LCN9: variants seen among roughly 807,000 people sequenced by gnomAD.
LCN9 encodes epididymal-specific lipocalin-9.
LCN9 carries 22 observed loss-of-function variants against 18.5 expected under a neutral mutation model. The ratio of observed to expected loss-of-function variants is 1.19; its 90% CI spans 0.85 to 1.70. The LOEUF is 1.70. LCN9 is among the 40% of genes most tolerant of loss of function. The pLI is 0.00. For missense variants in LCN9, 202 were observed against 201.3 expected (o/e 1.00, Z -0.02); for synonymous variants, 89 against 83.0 (o/e 1.07, Z -0.39).
rs1387617998 is a variant in LCN9, at chr9:135,664,540, G to A, written c.234-182G>A. Among the ~76,000 whole-genome samples, 2 of 152,114 alleles carry A rather than the reference G, an allele frequency of 1.3e-5. No homozygotes were observed. The highest frequency in any genetic ancestry group is 6.6e-5 in the Admixed American group (1 of 15,266). ...TCGCCCCCTTCCAAGGCTGGGGTGA[G>A]GTTCGAGGAGATGAGGGTGTCCGGT... On this transcript the variant is annotated intron_variant, in intron 2 of 5. Transcript: ENST00000619315. The surrounding 1 kb of genome is among the most constrained non-coding windows in gnomAD (Gnocchi z 4.5).
chr9:135,664,259 A>G lies in LCN9; in HGVS notation c.194A>G (p.His65Arg). 1 of 1,613,848 alleles carries G rather than the reference A, an allele frequency of 6.2e-7. No homozygotes were observed. The highest frequency in any genetic ancestry group is 8.5e-7 in the Non-Finnish European group (1 of 1,179,800). ...AGGGTCTTCGTCCGGAATATTGAACACTTGAAGAACGGCAGCCTAATATTT... is the reference window on the plus strand; with the variant it reads ...AGGGTCTTCGTCCGGAATATTGAACGCTTGAAGAACGGCAGCCTAATATTT... The change falls in exon 2 of 6, where the codon CAC becomes CGC. Residue 65 changes from histidine (H) to arginine (R), a missense_variant. Coordinates refer to ENST00000619315, the Ensembl canonical transcript of LCN9. This position sits in a 1 kb window ranked among gnomAD's most constrained non-coding sequence, Gnocchi z 4.5.
rs756891749 is a variant in LCN9, at chr9:135,664,150, C to G, written c.97-12C>G. Reference sequence around the variant, plus strand: ...CCGCGGCCCCCCACCCACTGGAGCTCTTTGTCTTCAGGTTTCAGGGGTCTG... The same window carrying G: ...CCGCGGCCCCCCACCCACTGGAGCTGTTTGTCTTCAGGTTTCAGGGGTCTG... On this transcript the variant is annotated splice_polypyrimidine_tract_variant and intron_variant, in intron 1 of 5. Transcript: ENST00000619315. This position sits in a 1 kb window ranked among gnomAD's most constrained non-coding sequence, Gnocchi z 4.5. 6.2e-6 allele frequency: 10 copies of G among 1,612,554 alleles called. No individual in the cohort carries two copies. The East Asian group carries it at 2.0e-4, about 32-fold the overall frequency.
chr9:135,666,213 G>T, exon 6 of LCN9: 1 of 1,479,104 alleles, frequency 6.8e-7, no homozygotes, highest in Non-Finnish European at 9.1e-7. Context: ...CCTGGAGCCC[G>T]AGGTCTGAAA....
At chr9:135,666,922 G>A (rs567785) in exon 6 of LCN9, among the ~76,000 whole-genome samples, 13 of 150,902 alleles carry the variant, frequency 8.6e-5, no homozygotes, top group South Asian at 2.1e-4. Flanking sequence ...CTGCGCCCCC[G>A]CCTCCATGTT....
chr9:135,665,798 G>C lies in LCN9; in HGVS notation c.*9+46G>C. ...ACCAAGCGGGAGCCGGGACAGGGTG[G>C]GGATGGGAGGTGTGCCTGCGGGGTC... is the stretch of plus-strand genomic sequence containing the variant. On this transcript the variant is annotated intron_variant, in intron 5 of 5. Coordinates refer to ENST00000619315, the Ensembl canonical transcript of LCN9. The surrounding 1 kb of genome is among the most constrained non-coding windows in gnomAD (Gnocchi z 5.9). The C allele has an allele frequency of 6.2e-7, 1 of 1,612,182 alleles. No individual in the cohort carries two copies. Among genetic ancestry groups the C allele is most frequent in the Non-Finnish European group, 8.5e-7 (1 of 1,179,164 alleles).
In LCN9 at chr9:135,665,895, C is replaced by G; in HGVS notation, c.*44C>G. ...ACTCCAAGCATTACAGGAGCCCGCC[C>G]AGGCCTCCCATGCGTGAGCTGCGAC... On this transcript the variant is annotated 3_prime_UTR_variant, in exon 6 of 6. Coordinates refer to ENST00000619315, the Ensembl canonical transcript of LCN9. The surrounding 1 kb of genome is among the most constrained non-coding windows in gnomAD (Gnocchi z 5.9). 1 of 1,612,222 alleles carries G rather than the reference C, an allele frequency of 6.2e-7. No individual in the cohort carries two copies. Among genetic ancestry groups the G allele is most frequent in the Non-Finnish European group, 8.5e-7 (1 of 1,179,412 alleles).
chr9:135,663,639 C>T (rs1834156878), intron 1 of LCN9, among the ~76,000 whole-genome samples: 1 of 151,578 alleles, frequency 6.6e-6, no homozygotes, highest in Non-Finnish European at 1.5e-5. Context: ...TTAGAGGGGG[C>T]CCTGGGAGGG....
In LCN9 at chr9:135,666,795, G is replaced by A. The variant is rs541547795; in HGVS notation, c.*944G>A. Among the ~76,000 whole-genome samples, 17 of 86,414 alleles carry A rather than the reference G, an allele frequency of 2.0e-4. No individual in the cohort carries two copies. The South Asian group carries it at 4.1e-3, about 21-fold the overall frequency. The allele number at this position is 86,414 out of a possible 152,430, so 56.7% of individuals were successfully genotyped here. A position where few individuals can be genotyped will look rare whatever the true frequency, so the allele number is the denominator to read the frequency against. On this transcript the variant is annotated 3_prime_UTR_variant, in exon 6 of 6. Coordinates refer to ENST00000619315, the Ensembl canonical transcript of LCN9. The stretch of plus-strand genomic sequence containing the variant: ...CCCTCCCCTCTCCGCCCCTCCCCTC[G>A]CTGACCTTCCCCTCCCTGTCCCTCC...
Position 135,665,847 on chromosome 9 carries a change from C to T in LCN9, c.*10-14C>T, listed in dbSNP as rs561100367. On this transcript the variant is annotated splice_polypyrimidine_tract_variant and intron_variant, in intron 5 of 5. Transcript: ENST00000619315. This position sits in a 1 kb window ranked among gnomAD's most constrained non-coding sequence, Gnocchi z 5.9. ...TCCCTGTCCCTGCGCTGAGAGCCCC[C>T]TCTGTCCTTCCAGATCCCTGCTACT... 4.3e-6 allele frequency: 7 copies of T among 1,612,662 alleles called. No individual in the cohort carries two copies. The highest frequency in any genetic ancestry group is 1.1e-5 in the South Asian group (1 of 90,818).
At chr9:135,663,550 C>A in intron 1 of LCN9, 133 bp downstream of exon 1, 1 of 662,552 alleles carries the variant, frequency 1.5e-6, no homozygotes, top group Non-Finnish European at 2.7e-6. Context: ...CAAGCTGTGA[C>A]AGCAGCCTGG....
At chr9:135,663,985 T>G in intron 1 of LCN9, among the ~76,000 whole-genome samples, 177 bp from the exon 2 acceptor site, 3 of 26,056 alleles carry the variant, frequency 1.2e-4, no homozygotes, top group African/African-American at 1.8e-4. Context: ...GGGGCGACCT[T>G]GGGGGTAAAG....
At position 135,664,823 on chromosome 9, in the gene LCN9, C is replaced by T; in HGVS notation, c.307+28C>T. Reference sequence around the variant, plus strand: ...AAGTGGAAGCCAGGCTCCTCCTGGTCTCACAGTCGGGGGTCTCCTTTCTCC... The same window carrying T: ...AAGTGGAAGCCAGGCTCCTCCTGGTTTCACAGTCGGGGGTCTCCTTTCTCC... On this transcript the variant is annotated intron_variant, in intron 3 of 5. Transcript: ENST00000619315. This position sits in a 1 kb window ranked among gnomAD's most constrained non-coding sequence, Gnocchi z 4.5. 6.4e-7 allele frequency: 1 copy of T among 1,558,352 alleles called. No individual in the cohort carries two copies. The highest frequency in any genetic ancestry group is 8.7e-7 in the Non-Finnish European group (1 of 1,150,560).
chr9:135,664,571 G>A lies in LCN9; in HGVS notation c.234-151G>A, dbSNP rs1834184979. On this transcript the variant is annotated intron_variant, in intron 2 of 5. Transcript: ENST00000619315. The surrounding 1 kb of genome is among the most constrained non-coding windows in gnomAD (Gnocchi z 4.5). ...AGGAGATGAGGGTGTCCGGTGGGCT[G>A]CAGCAGGGCCCAGCCCAAGAACTTG... The A allele has an allele frequency of 2.6e-6, 2 of 777,612 alleles. No homozygotes were observed. Among genetic ancestry groups the A allele is most frequent in the Non-Finnish European group, 2.0e-6 (1 of 494,088 alleles). The allele number at this position is 777,612 out of a possible 1,614,324, so 48.2% of individuals were successfully genotyped here.
intron 1 of LCN9, among the ~76,000 whole-genome samples, 177 bp downstream of exon 1, chr9:135,663,594 G>C (rs1221711195): frequency 7.0e-6 from 1 of 141,894 alleles, no homozygotes; most frequent in African/African-American, 2.5e-5. Context: ...GGTCGGGTGG[G>C]AGAGGCCTGG....
At chr9:135,663,553 C>T in intron 1 of LCN9, 136 bp downstream of exon 1, 1 of 630,862 alleles carries the variant, frequency 1.6e-6, no homozygotes, top group Non-Finnish European at 2.9e-6. Context: ...GCTGTGACAG[C>T]AGCCTGGGAG....
In LCN9 at chr9:135,664,136, C is replaced by G; in HGVS notation, c.97-26C>G. Reference sequence around the variant, plus strand: ...TCCCCAGGGCTGTCCCGCGGCCCCCCACCCACTGGAGCTCTTTGTCTTCAG... The same window carrying G: ...TCCCCAGGGCTGTCCCGCGGCCCCCGACCCACTGGAGCTCTTTGTCTTCAG... On this transcript the variant is annotated intron_variant, in intron 1 of 5. Transcript: ENST00000619315. The surrounding 1 kb of genome is among the most constrained non-coding windows in gnomAD (Gnocchi z 4.5). 1.9e-6 allele frequency: 3 copies of G among 1,611,752 alleles called. No homozygotes were observed. Among genetic ancestry groups the G allele is most frequent in the Non-Finnish European group, 2.5e-6 (3 of 1,178,918 alleles).
exon 6 of LCN9, chr9:135,666,004 C>T (rs1280191954): frequency 2.5e-6 from 4 of 1,599,620 alleles, no homozygotes; most frequent in Admixed American, 1.7e-5. Context: ...GTGCCCATCC[C>T]TCCCCCTGGT....
rs542517260 is a variant in LCN9 at position 135,664,930 on chromosome 9, A to G, written c.307+135A>G. 1.1e-4 allele frequency: 103 copies of G among 964,548 alleles called. No homozygotes were observed. In the African/African-American group the frequency reaches 1.2e-3, roughly 12 times the overall value. The allele number at this position is 964,548 out of a possible 1,614,324, so 59.7% of individuals were successfully genotyped here. A position where few individuals can be genotyped will look rare whatever the true frequency, so the allele number is the denominator to read the frequency against. On this transcript the variant is annotated intron_variant, in intron 3 of 5. Coordinates refer to ENST00000619315, the Ensembl canonical transcript of LCN9. The surrounding 1 kb of genome is among the most constrained non-coding windows in gnomAD (Gnocchi z 4.5). Reference sequence around the variant, plus strand: ...GACAGCTTGACCCTGAACTGGAGGGACCCATCCTGGCACCTACCCAGGGGG... The same window carrying G: ...GACAGCTTGACCCTGAACTGGAGGGGCCCATCCTGGCACCTACCCAGGGGG...
Position 135,664,445 on chromosome 9 carries a change from G to A in LCN9, c.233+147G>A, listed in dbSNP as rs1834183290. ...GAGCCTGTGCGTGTGACCCTTGGGG[G>A]CAGGGTGAGGTGGGAGCAGGGACTT... On this transcript the variant is annotated intron_variant, in intron 2 of 5. Transcript: ENST00000619315. The surrounding 1 kb of genome is among the most constrained non-coding windows in gnomAD (Gnocchi z 4.5). The A allele has an allele frequency of 1.1e-5, 12 of 1,093,080 alleles. No homozygotes were observed. Among genetic ancestry groups the A allele is most frequent in the African/African-American group, 4.7e-5 (3 of 64,470 alleles). The allele number at this position is 1,093,080 out of a possible 1,614,324, so 67.7% of individuals were successfully genotyped here.
Sources: allele counts gnomAD v4.1 joint callset (sites outside exome capture counted in the v4.1 genomes callset), GRCh38; gene constraint gnomAD v4.1.1; non-coding constraint Gnocchi (gnomAD v3.1); transcripts MANE v1.5; gene names NCBI Gene and HGNC (gene_info 2026-07-23, HGNC 2026-07-21).